BAALC: variants seen among roughly 807,000 people sequenced by gnomAD.
The protein encoded by BAALC is BAALC binder of MAP3K1 and KLF4.
Under a neutral mutation model 15.5 loss-of-function variants are expected in BAALC, and 9 were observed. The observed-to-expected ratio is 0.58, with a 90% CI of 0.35 to 1.02. BAALC has a LOEUF of 1.02. BAALC is among the 50% of genes least tolerant of loss of function. The probability of loss-of-function intolerance (pLI) is 0.02; values close to 1 mark genes in which losing one functional copy is unlikely to be tolerated. For missense variants in BAALC, 201 were observed against 192.4 expected (o/e 1.04, Z -0.27); for synonymous variants, 80 against 74.6 (o/e 1.07, Z -0.37).
intron 1 of BAALC, among the ~76,000 whole-genome samples, chr8:103,166,857 A>C (rs1460181709): frequency 1.3e-5 from 2 of 152,206 alleles, no homozygotes; most frequent in South Asian, 2.1e-4. Context: ...ACAATGCCCA[A>C]AGTGACTTCA....
intron 1 of BAALC, among the ~76,000 whole-genome samples, chr8:103,171,273 AAAAG>A (rs199957352): frequency 1.4e-3 from 180 of 131,604 alleles, no homozygotes; most frequent in Admixed American, 2.7e-3. Context: ...AAAGAAGAGA[AAAAG>A]AAAGAAAGAG....
intron 1 of BAALC, chr8:103,198,054 T>C (rs1280441808): frequency 1.5e-6 from 1 of 685,564 alleles, no homozygotes; most frequent in Admixed American, 2.2e-5. Context: ...TCCCACAGTT[T>C]CTTACGAACA....
At chr8:103,153,274 G>A (rs1811021370) in intron 1 of BAALC, 1 of 152,176 alleles carries the variant, frequency 6.6e-6, no homozygotes, top group African/African-American at 2.4e-5. Context: ...AGAGAGGAGA[G>A]AAGATTTCCA....
intron 1 of BAALC, among the ~76,000 whole-genome samples, chr8:103,184,269 A>G (rs1184267157): frequency 6.6e-6 from 1 of 152,154 alleles, no homozygotes; most frequent in Non-Finnish European, 1.5e-5. Context: ...TTCCACTTAC[A>G]ACCTGAATTC....
intron 1 of BAALC, among the ~76,000 whole-genome samples, chr8:103,142,851 C>T (rs1810811496): frequency 6.6e-6 from 1 of 152,152 alleles, no homozygotes; most frequent in Admixed American, 6.5e-5. Flanking sequence ...CTGGTCACTG[C>T]AACAGGTGGG....
At position 103,140,845 on chromosome 8, in the gene BAALC, G is replaced by C; in HGVS notation, c.-53G>C. On this transcript the variant is annotated 5_prime_UTR_variant, in exon 1 of 3. Transcript: ENST00000309982. This position sits in a 1 kb window ranked among gnomAD's most constrained non-coding sequence, Gnocchi z 4.2. Reference sequence around the variant, plus strand: ...GGGGCTGCGCCTCCGGGGCTGAGCCGCCGCCAGAGCCGACAGCCGAGCAGC... The same window carrying C: ...GGGGCTGCGCCTCCGGGGCTGAGCCCCCGCCAGAGCCGACAGCCGAGCAGC... 1 of 1,403,728 alleles carries C rather than the reference G, an allele frequency of 7.1e-7. No homozygotes were observed. Among genetic ancestry groups the C allele is most frequent in the Non-Finnish European group, 9.3e-7 (1 of 1,078,548 alleles). The allele number at this position is 1,403,728 out of a possible 1,614,324, so 87.0% of individuals were successfully genotyped here.
At chr8:103,184,044 C>T (rs1250050413) in intron 1 of BAALC, among the ~76,000 whole-genome samples, 1 of 152,198 alleles carries the variant, frequency 6.6e-6, no homozygotes, top group East Asian at 1.9e-4. Flanking sequence ...TTTCCAGCTT[C>T]TAGAGGCAGC....
chr8:103,186,305 T>C (rs952202242), intron 1 of BAALC, among the ~76,000 whole-genome samples: 4 of 152,186 alleles, frequency 2.6e-5, no homozygotes, highest in Admixed American at 1.3e-4. Context: ...AGGAGGCAAC[T>C]ATGGTCTCTG....
intron 1 of BAALC, among the ~76,000 whole-genome samples, chr8:103,193,658 CA>C (rs1462840995): frequency 6.6e-6 from 1 of 152,170 alleles, no homozygotes; most frequent in African/African-American, 2.4e-5. Context: ...TGTCTTTTAG[CA>C]AGTTATTTGG....
intron 1 of BAALC, among the ~76,000 whole-genome samples, chr8:103,187,222 C>T (rs999101742): frequency 6.6e-6 from 1 of 152,108 alleles, no homozygotes; most frequent in Non-Finnish European, 1.5e-5. Flanking sequence ...CTAGTGGGCA[C>T]CGAAGTCCCC....
At chr8:103,206,481 G>A (rs1004413975) in intron 1 of BAALC, among the ~76,000 whole-genome samples, 5 of 152,126 alleles carry the variant, frequency 3.3e-5, no homozygotes, top group African/African-American at 7.2e-5. Flanking sequence ...ATAAAAACCT[G>A]ACCTCAATGT....
intron 1 of BAALC, among the ~76,000 whole-genome samples, chr8:103,173,742 C>G (rs187962506): frequency 6.4e-4 from 97 of 152,258 alleles, no homozygotes; most frequent in African/African-American, 2.2e-3. Context: ...ATCAACTGGA[C>G]TTCAATGATT....
Position 103,183,628 on chromosome 8 carries a change from C to T in BAALC, c.161-29291C>T, listed in dbSNP as rs1486114999. Reference sequence around the variant, plus strand: ...GACACTCAGGCTTCAGTATGACTGCCGTGGAATTGCTAGCAGTGGTCAGTT... The same window carrying T: ...GACACTCAGGCTTCAGTATGACTGCTGTGGAATTGCTAGCAGTGGTCAGTT... On this transcript the variant is annotated intron_variant, in intron 1 of 2. Coordinates refer to ENST00000309982, the MANE Select transcript of BAALC (RefSeq NM_024812.3). Among the ~76,000 whole-genome samples, 4 of 152,132 alleles carry T rather than the reference C, an allele frequency of 2.6e-5. No homozygotes were observed. In the South Asian group the frequency reaches 6.2e-4, roughly 24 times the overall value.
chr8:103,214,130 T>C (rs1422426900), intron 2 of BAALC, among the ~76,000 whole-genome samples: 3 of 152,184 alleles, frequency 2.0e-5, no homozygotes, highest in African/African-American at 7.2e-5. Context: ...ACAGGATTCA[T>C]GTTCAGAAAA....
At chr8:103,175,734 G>A (rs943804958) in intron 1 of BAALC, among the ~76,000 whole-genome samples, 1 of 152,220 alleles carries the variant, frequency 6.6e-6, no homozygotes, top group African/African-American at 2.4e-5. Context: ...CTGGAGCAAA[G>A]AGCTCGAACC....
chr8:103,214,850 G>A (rs115067448), intron 2 of BAALC: 2,539 of 152,352 alleles, frequency 0.017, 70 homozygotes, highest in African/African-American at 0.059. Flanking sequence ...AGAAGGTAAT[G>A]AGGGGTGTAG....
At chr8:103,170,858 A>G (rs930896976) in intron 1 of BAALC, among the ~76,000 whole-genome samples, 1 of 152,190 alleles carries the variant, frequency 6.6e-6, no homozygotes, top group Non-Finnish European at 1.5e-5. Flanking sequence ...AGATGCTTTG[A>G]GAAATGGAAG....
intron 1 of BAALC, among the ~76,000 whole-genome samples, chr8:103,211,020 A>G (rs1812437104): frequency 6.6e-6 from 1 of 151,356 alleles, no homozygotes; most frequent in Admixed American, 6.6e-5. Flanking sequence ...CTCACTCTTG[A>G]TTTTTTTTTC....
In BAALC at chr8:103,212,412, C is replaced by A. The variant is rs146998105; in HGVS notation, c.161-507C>A. ...GCAGCAAACTATGATCATGCCACTACACTCCAGCCTAGGCAACAGAGTGAG... is the reference window on the plus strand; with the variant it reads ...GCAGCAAACTATGATCATGCCACTAAACTCCAGCCTAGGCAACAGAGTGAG... On this transcript the variant is annotated intron_variant, in intron 1 of 2. Transcript: ENST00000309982. Among the ~76,000 whole-genome samples, 17 of 152,282 alleles carry A rather than the reference C, an allele frequency of 1.1e-4. No homozygotes were observed. In the East Asian group the frequency reaches 3.3e-3, roughly 29 times the overall value.
Sources: gnomAD v4.1 joint callset for allele counts (sites outside exome capture counted in the v4.1 genomes callset) on GRCh38, gnomAD v4.1.1 for gene constraint, Gnocchi (gnomAD v3.1) non-coding constraint, MANE v1.5 for transcripts, NCBI Gene and HGNC (gene_info 2026-07-23, HGNC 2026-07-21) for gene names.